The following TXNRD1 variants were observed in gnomAD, a reference collection of about 807,000 sequenced individuals.
TXNRD1 encodes thioredoxin reductase 1.
Under a neutral mutation model 80.3 loss-of-function variants are expected in TXNRD1, and 57 were observed. The observed-to-expected ratio is 0.71, with a 90% CI of 0.57 to 0.89. TXNRD1 has a LOEUF of 0.89. TXNRD1 is among the 40% of genes least tolerant of loss of function. The probability of loss-of-function intolerance (pLI) is 0.00; values close to 1 mark genes in which losing one functional copy is unlikely to be tolerated. For missense variants in TXNRD1, 730 were observed against 803.0 expected (o/e 0.91, Z 1.10); for synonymous variants, 291 against 285.2 (o/e 1.02, Z -0.20).
At chr12:104,233,790 G>C (rs2032676246) in intron 1 of TXNRD1, among the ~76,000 whole-genome samples, 2 of 152,136 alleles carry the variant, frequency 1.3e-5, no homozygotes, top group Admixed American at 1.3e-4. Context: ...CCAAAGTGCT[G>C]GGATTACAGG....
Position 104,321,186 on chromosome 12 carries a change from T to C in TXNRD1, c.1085T>C (p.Ile362Thr). 6.2e-7 allele frequency: 1 copy of C among 1,613,882 alleles called. No homozygotes were observed. Among genetic ancestry groups the C allele is most frequent in the Non-Finnish European group, 8.5e-7 (1 of 1,179,862 alleles). Reference sequence around the variant, plus strand: ...GAGTGCGCTGGATTTCTTGCTGGTATTGGTTTAGACGTCACTGTTATGGTT... The same window carrying C: ...GAGTGCGCTGGATTTCTTGCTGGTACTGGTTTAGACGTCACTGTTATGGTT... ...ALECAGFLAG[I>T]GLDVTVMVRS... The change falls in exon 10 of 17, where the codon ATT (isoleucine) becomes ACT (threonine). Residue 362 changes from isoleucine to threonine, a missense_variant. Physicochemically the swap from Ile to Thr is moderately conservative, Grantham distance 89. Transcript: ENST00000525566.
At chr12:104,243,851 T>C (rs2032927362) in intron 1 of TXNRD1, among the ~76,000 whole-genome samples, 1 of 152,246 alleles carries the variant, frequency 6.6e-6, no homozygotes, top group Non-Finnish European at 1.5e-5. Flanking sequence ...AGCCTTGCCA[T>C]GTGCTTTCAT....
At chr12:104,294,461 G>C (rs908002361) in intron 4 of TXNRD1, among the ~76,000 whole-genome samples, 2 of 151,896 alleles carry the variant, frequency 1.3e-5, no homozygotes, top group African/African-American at 4.8e-5. Context: ...TCCTATCTCT[G>C]TATGGCCTGG....
chr12:104,297,617 A>G (rs1288428198), intron 4 of TXNRD1, among the ~76,000 whole-genome samples: 1 of 152,100 alleles, frequency 6.6e-6, no homozygotes, highest in African/African-American at 2.4e-5. Flanking sequence ...CGCCTGCGTC[A>G]GCCTCCAAAA....
At chr12:104,245,517 CA>C (rs10622971) in intron 1 of TXNRD1, among the ~76,000 whole-genome samples, 41 of 29,250 alleles carry the variant, frequency 1.4e-3, no homozygotes, top group African/African-American at 2.0e-3. Flanking sequence ...AACTCCATCT[CA>C]AAAAAAAAAA....
chr12:104,339,462 G>A (rs776707802), intron 16 of TXNRD1, 189 bp downstream of exon 16: 19 of 798,798 alleles, frequency 2.4e-5, no homozygotes, highest in African/African-American at 1.0e-4. Context: ...GGAGGCTTCC[G>A]TCATGTCGTT....
chr12:104,224,605 C>G (rs2032431651), intron 1 of TXNRD1, among the ~76,000 whole-genome samples: 1 of 152,102 alleles, frequency 6.6e-6, no homozygotes, highest in Non-Finnish European at 1.5e-5. Flanking sequence ...AGGTTGGTCT[C>G]AAACTCCTGA....
In TXNRD1 at chr12:104,251,674, C is replaced by G. The variant is rs1275779287; in HGVS notation, c.239C>G (p.Thr80Ser). Residue 80 changes from threonine (T) to serine (S), a missense_variant, in exon 2 of 17, where the codon ACT becomes AGT. By Grantham distance (58) the Thr-to-Ser change is moderately conservative (BLOSUM62 1). Transcript: ENST00000525566. ...IFSRSTCTRC[T>S]EVKKLFKSLC... ...AGTAGGTCCACATGCACACGCTGTA[C>G]TGAGGTAAGGCTTTAAACTCAAGGG... The G allele has an allele frequency of 3.1e-6, 5 of 1,613,240 alleles. No individual in the cohort carries two copies. In the Admixed American group the frequency reaches 6.7e-5, roughly 22 times the overall value.
intron 4 of TXNRD1, among the ~76,000 whole-genome samples, chr12:104,294,233 G>GGCCC (rs60817773): frequency 1.5e-5 from 1 of 68,880 alleles, no homozygotes; most frequent in Non-Finnish European, 2.8e-5. Context: ...CCGGGGAAAG[G>GGCCC]CCCCCCCCCC....
chr12:104,328,084 G>A (rs1565907241), intron 13 of TXNRD1, among the ~76,000 whole-genome samples: 1 of 151,498 alleles, frequency 6.6e-6, no homozygotes, highest in East Asian at 1.9e-4. Flanking sequence ...GCTTGAACGG[G>A]GAACTGGGAG....
chr12:104,234,638 GAAAA>G (rs33956129), intron 1 of TXNRD1, among the ~76,000 whole-genome samples: 1 of 125,924 alleles, frequency 7.9e-6, no homozygotes, highest in Non-Finnish European at 1.6e-5. Context: ...TAAAGTCAGG[GAAAA>G]AAAAAAAAAA....
At chr12:104,245,924 A>G (rs1008686478) in intron 1 of TXNRD1, among the ~76,000 whole-genome samples, 2 of 151,842 alleles carry the variant, frequency 1.3e-5, no homozygotes, top group African/African-American at 4.8e-5. Context: ...CCTGGCTAAC[A>G]TGGTGAAACC....
At chr12:104,308,771 C>A (rs1426340772) in intron 4 of TXNRD1, among the ~76,000 whole-genome samples, 1 of 151,972 alleles carries the variant, frequency 6.6e-6, no homozygotes, top group Non-Finnish European at 1.5e-5. Flanking sequence ...GTGCTACCTT[C>A]TACTGTTTGG....
chr12:104,344,395 G>A (rs888935366), intron 16 of TXNRD1, among the ~76,000 whole-genome samples: 5 of 151,734 alleles, frequency 3.3e-5, no homozygotes, highest in African/African-American at 1.2e-4. Context: ...AACTACTTGC[G>A]TTGATACTGG....
At chr12:104,275,245 T>C (rs1028424282) in intron 3 of TXNRD1, among the ~76,000 whole-genome samples, 1 of 149,812 alleles carries the variant, frequency 6.7e-6, no homozygotes, top group African/African-American at 2.5e-5. Flanking sequence ...ACCATTGCAC[T>C]CCAGCCTGGG....
chr12:104,257,921 G>C lies in TXNRD1; in HGVS notation c.244-98G>C, dbSNP rs905652206. Reference sequence around the variant, plus strand: ...AATTGGAAAGTTTTCAAAGGTGAAGGCTGGTTGAGGAAGGAAGTAACAAAG... The same window carrying C: ...AATTGGAAAGTTTTCAAAGGTGAAGCCTGGTTGAGGAAGGAAGTAACAAAG... On this transcript the variant is annotated intron_variant, in intron 2 of 16. Coordinates refer to ENST00000525566, the MANE Select transcript of TXNRD1 (RefSeq NM_001093771.3). The C allele has an allele frequency of 6.9e-6, 6 of 866,002 alleles. No homozygotes were observed. In the African/African-American group the frequency reaches 1.0e-4, roughly 15 times the overall value. The allele number at this position is 866,002 out of a possible 1,614,324, so 53.6% of individuals were successfully genotyped here. A position where few individuals can be genotyped will look rare whatever the true frequency, so the allele number is the denominator to read the frequency against.
At chr12:104,259,441 G>T (rs1248341328) in intron 3 of TXNRD1, among the ~76,000 whole-genome samples, 1 of 150,384 alleles carries the variant, frequency 6.6e-6, no homozygotes, top group Non-Finnish European at 1.5e-5. Flanking sequence ...GACAGAGAAA[G>T]ATATATGGCA....
chr12:104,334,360 T>A, intron 15 of TXNRD1, 28 bp downstream of exon 15: 1 of 1,308,582 alleles, frequency 7.6e-7, no homozygotes, highest in Non-Finnish European at 1.0e-6. Context: ...TCCTTTCCAG[T>A]AATTTTATTT....
In TXNRD1 at chr12:104,215,806, G is replaced by T; in HGVS notation, c.4G>T (p.Gly2Cys). The change falls in exon 1 of 17, where the codon GGC becomes TGC. Residue 2 changes from glycine (G) to cysteine (C), a missense_variant. Gly to Cys is a radical substitution (Grantham distance 159). Coordinates refer to ENST00000525566, the MANE Select transcript of TXNRD1 (RefSeq NM_001093771.3). M[G>C]CAEGKAVAAA... ...TTCCCACAGGGCCTTGTGCGACATGGGCTGCGCCGAGGGCAAGGCAGTGGC... is the reference window on the plus strand; with the variant it reads ...TTCCCACAGGGCCTTGTGCGACATGTGCTGCGCCGAGGGCAAGGCAGTGGC... 1 of 1,559,396 alleles carries T rather than the reference G, an allele frequency of 6.4e-7. No individual in the cohort carries two copies. Among genetic ancestry groups the T allele is most frequent in the East Asian group, 2.4e-5 (1 of 41,602 alleles).
Sources: allele counts gnomAD v4.1 joint callset (sites outside exome capture counted in the v4.1 genomes callset), GRCh38; gene constraint gnomAD v4.1.1; transcripts MANE v1.5; gene names NCBI Gene and HGNC (gene_info 2026-07-23, HGNC 2026-07-21).